Variants in DRAM2 observed in about 807,000 individuals in gnomAD.
DRAM2 encodes the protein DNA damage regulated autophagy modulator 2, also known as DNA damage-regulated autophagy modulator protein 2.
A neutral mutation model predicts 33.5 loss-of-function variants in DRAM2; 26 were observed. The observed-to-expected ratio is 0.78, with a 90% confidence interval of 0.57 to 1.08. The LOEUF (loss-of-function observed/expected upper bound fraction) is 1.08, where lower values mean the gene tolerates loss of function less well. Ranked by LOEUF, DRAM2 falls within the 50% of genes least tolerant of loss-of-function variation. The pLI, the probability that DRAM2 is intolerant of heterozygous loss-of-function variation, is 0.00. For missense variants in DRAM2, 311 were observed against 318.1 expected, an observed-to-expected ratio of 0.98 and a Z score of 0.17; for synonymous variants, 98 against 109.5, an observed-to-expected ratio of 0.89 and a Z score of 0.66.
At position 111,138,254 on chromosome 1, in the gene DRAM2, A is replaced by G. The variant is rs528464575; in HGVS notation, c.-78-668T>C. On this transcript the variant is annotated intron_variant, in intron 2 of 9. Transcript: ENST00000484310. ...AGTTGTTTAAACTGACAGTTTATAG[A>G]AGCAGGGCTTGAAATGGTTTACCAG... 9.8e-5 allele frequency among the ~76,000 whole-genome samples: 15 copies of G among 152,328 alleles called. No homozygotes were observed. In the South Asian group the frequency reaches 2.1e-3, roughly 21 times the overall value.
intron 6 of DRAM2, among the ~76,000 whole-genome samples, chr1:111,121,364 C>T (rs912610124): frequency 6.6e-6 from 1 of 152,080 alleles, no homozygotes; most frequent in African/African-American, 2.4e-5. Flanking sequence ...TCCCTCTGAG[C>T]CTCCAATAAG....
intron 4 of DRAM2, among the ~76,000 whole-genome samples, 166 bp from the exon 5 acceptor site, chr1:111,126,460 C>A (rs903095429): frequency 6.6e-6 from 1 of 151,836 alleles, no homozygotes; most frequent in African/African-American, 2.4e-5. Flanking sequence ...TTTGAGTTCA[C>A]AAATATCTGC....
intron 2 of DRAM2, among the ~76,000 whole-genome samples, chr1:111,138,529 T>C (rs1291628911): frequency 6.6e-6 from 1 of 152,256 alleles, no homozygotes; most frequent in Admixed American, 6.5e-5. Context: ...CTCTCGCCTG[T>C]AATCCCAGCA....
chr1:111,138,418 A>T (rs988425514), intron 2 of DRAM2, among the ~76,000 whole-genome samples: 1 of 152,278 alleles, frequency 6.6e-6, no homozygotes, highest in Non-Finnish European at 1.5e-5. Flanking sequence ...AATGATTCAT[A>T]ATTCAAAAAG....
intron 8 of DRAM2, chr1:111,119,611 C>A: frequency 4.8e-6 from 2 of 412,850 alleles, no homozygotes; most frequent in Non-Finnish European, 8.8e-6. Flanking sequence ...TATACTATAC[C>A]CACATTTAGG....
At chr1:111,119,812 T>C (rs766838557) in intron 8 of DRAM2, 65 bp downstream of exon 8, 39 of 1,294,414 alleles carry the variant, frequency 3.0e-5, no homozygotes, top group Non-Finnish European at 4.2e-5. Flanking sequence ...ATGAAAAACA[T>C]ATCAAGATCA....
intron 4 of DRAM2, among the ~76,000 whole-genome samples, chr1:111,127,117 T>TCAC (rs1651162701): frequency 6.6e-6 from 1 of 152,196 alleles, no homozygotes; most frequent in Non-Finnish European, 1.5e-5. Flanking sequence ...GCTCATCATA[T>TCAC]CACTGTAAGG....
chr1:111,123,440 G>T (rs1650402748), intron 6 of DRAM2, among the ~76,000 whole-genome samples: 1 of 151,972 alleles, frequency 6.6e-6, no homozygotes, highest in African/African-American at 2.4e-5. Context: ...CTGACTTCTG[G>T]GTTGCCATGT....
In DRAM2 at chr1:111,124,796, G is replaced by A. The variant is rs757713642; in HGVS notation, c.285C>T (p.Gly95=). 2 of 1,613,486 alleles carry A rather than the reference G, an allele frequency of 1.2e-6. No homozygotes were observed. The highest frequency in any genetic ancestry group is 1.7e-5 in the Admixed American group (1 of 59,950). ...AACAACTCAGTATTCCAAGTACAAG[G>A]CCAGCCTTGTTTAATTTGATGATAA... ...ENVIIKLNKA[G]LVLGILSCLG... The change falls in exon 6 of 10, where the codon GGC becomes GGT. Residue 95 remains glycine (G), a synonymous_variant. Transcript: ENST00000484310.
intron 3 of DRAM2, among the ~76,000 whole-genome samples, chr1:111,134,978 C>A (rs1233532793): frequency 6.6e-6 from 1 of 152,170 alleles, no homozygotes; most frequent in African/African-American, 2.4e-5. Context: ...TGAGTGATGG[C>A]AGACCCTCCA....
In DRAM2 at chr1:111,120,511, G is replaced by T. The variant is rs1178103200; in HGVS notation, c.517+5C>A. 1.9e-6 allele frequency: 3 copies of T among 1,578,936 alleles called. No homozygotes were observed. The highest frequency in any genetic ancestry group is 1.7e-6 in the Non-Finnish European group (2 of 1,161,396). ...AGTGTAGCCACATTGTACAGTGAAG[G>T]ATACTGCTAAGTGCACTTACTCCAC... On this transcript the variant is annotated splice_donor_5th_base_variant and intron_variant, in intron 7 of 9. Transcript: ENST00000484310.
intron 3 of DRAM2, among the ~76,000 whole-genome samples, chr1:111,136,929 G>GT (rs1167434966): frequency 6.6e-6 from 1 of 151,914 alleles, no homozygotes; most frequent in Non-Finnish European, 1.5e-5. Flanking sequence ...AGCTGAGATC[G>GT]TGCCACTGCA....
At chr1:111,119,260 G>A (rs1649506494) in intron 8 of DRAM2, among the ~76,000 whole-genome samples, 1 of 151,948 alleles carries the variant, frequency 6.6e-6, no homozygotes, top group African/African-American at 2.4e-5. Flanking sequence ...TAAGTGCTGT[G>A]TTTACGATAT....
At chr1:111,119,686 A>G (rs1335626903) in intron 8 of DRAM2, 191 bp downstream of exon 8, 3 of 564,612 alleles carry the variant, frequency 5.3e-6, no homozygotes, top group Non-Finnish European at 9.3e-6. Context: ...CAATATCTAC[A>G]GATCACAGGT....
intron 4 of DRAM2, among the ~76,000 whole-genome samples, chr1:111,128,588 T>C (rs369183481): frequency 6.6e-6 from 1 of 152,290 alleles, no homozygotes; most frequent in African/African-American, 2.4e-5. Flanking sequence ...CATAAAATGG[T>C]GTAGTATTTG....
In DRAM2 at chr1:111,131,434, G is replaced by T; in HGVS notation, c.121C>A (p.Pro41Thr). ...ATACATTTCACTTACCTGATATAAG[G>T]TAAAGCCGGGTCTATATGGTGGAGT... ...VTLHHIDPAL[P>T]YISDTGTVAP... is the part of the protein sequence containing the mutation. The change falls in exon 4 of 10, where the codon CCT becomes ACT. Residue 41 changes from proline (P) to threonine (T), a missense_variant. Pro to Thr is a conservative substitution (Grantham distance 38). Transcript: ENST00000484310. The T allele has an allele frequency of 6.2e-7, 1 of 1,613,662 alleles. No individual in the cohort carries two copies. Among genetic ancestry groups the T allele is most frequent in the Non-Finnish European group, 8.5e-7 (1 of 1,179,756 alleles).
intron 6 of DRAM2, among the ~76,000 whole-genome samples, chr1:111,123,526 A>G (rs1439858975): frequency 6.6e-6 from 1 of 152,144 alleles, no homozygotes; most frequent in Non-Finnish European, 1.5e-5. Context: ...GTATCTGATC[A>G]CCATAAATAT....
At chr1:111,118,524 A>G (rs1265946236) in intron 9 of DRAM2, 17 of 494,982 alleles carry the variant, frequency 3.4e-5, no homozygotes, top group South Asian at 1.4e-4. Flanking sequence ...AGAATGACCT[A>G]TGTAAAAGTA....
chr1:111,124,768 C>G lies in DRAM2; in HGVS notation c.313G>C (p.Gly105Arg). The G allele has an allele frequency of 6.2e-7, 1 of 1,613,362 alleles. No individual in the cohort carries two copies. The highest frequency in any genetic ancestry group is 8.5e-7 in the Non-Finnish European group (1 of 1,179,628). The change falls in exon 6 of 10, where the codon GGA (glycine) becomes CGA (arginine). Residue 105 changes from glycine to arginine, a missense_variant. Physicochemically the swap from Gly to Arg is moderately radical, Grantham distance 125. Transcript: ENST00000484310. Reference sequence around the variant, plus strand: ...TGGAAGTTTGCCACAATAGAAAGTCCTAAACAACTCAGTATTCCAAGTACA... The same window carrying G: ...TGGAAGTTTGCCACAATAGAAAGTCGTAAACAACTCAGTATTCCAAGTACA... ...GLVLGILSCLGLSIVANFQKT... is the reference protein window; with the variant it reads ...GLVLGILSCLRLSIVANFQKT...
Sources: allele counts gnomAD v4.1 joint callset (sites outside exome capture counted in the v4.1 genomes callset), GRCh38; gene constraint gnomAD v4.1.1; transcripts MANE v1.5; gene names NCBI Gene and HGNC (gene_info 2026-07-23, HGNC 2026-07-21).